Variants in PCDHGA10 observed in about 807,000 individuals in gnomAD.
PCDHGA10 encodes the protein protocadherin gamma subfamily A, 10.
In PCDHGA10, 42 loss-of-function variants were observed where a neutral mutation model predicts 59.5. The observed-to-expected ratio is 0.71, with a 90% CI of 0.55 to 0.91. PCDHGA10 has a LOEUF of 0.91. Among genes scored for constraint, PCDHGA10 ranks in the 40% least tolerant of loss-of-function variants. The pLI is 0.00. For missense variants in PCDHGA10, 1,111 were observed against 1,198.2 expected (o/e 0.93, Z 1.07); for synonymous variants, 511 against 517.2 (o/e 0.99, Z 0.16).
chr5:141,418,749 C>A, intron 1 of PCDHGA10: 1 of 1,613,866 alleles, frequency 6.2e-7, no homozygotes, highest in South Asian at 1.1e-5. Flanking sequence ...CTGGATTACA[C>A]TACAGGAAAC....
At chr5:141,471,506 G>A (rs2099258630) in intron 1 of PCDHGA10, 1 of 152,214 alleles carries the variant, frequency 6.6e-6, no homozygotes, top group South Asian at 2.1e-4. Flanking sequence ...GCAAGAGAGG[G>A]AGTAAAAATA....
chr5:141,420,918 C>T (rs2096532512), intron 1 of PCDHGA10: 1 of 331,946 alleles, frequency 3.0e-6, no homozygotes, highest in South Asian at 6.4e-5. Flanking sequence ...GTGTGATTCA[C>T]AAAGGTGAGC....
intron 1 of PCDHGA10, among the ~76,000 whole-genome samples, chr5:141,454,773 G>A (rs1272535268): frequency 6.9e-6 from 1 of 144,540 alleles, no homozygotes; most frequent in East Asian, 2.0e-4. Flanking sequence ...TTTTTTACAA[G>A]GAAATAATCC....
In PCDHGA10 at chr5:141,477,074, A is replaced by G; in HGVS notation, c.2437-17733A>G. Reference sequence around the variant, plus strand: ...CTTCGAGGACACCAAACTCCATGAGATTTACATCCAGGCCAAAGACAAGGG... The same window carrying G: ...CTTCGAGGACACCAAACTCCATGAGGTTTACATCCAGGCCAAAGACAAGGG... On this transcript the variant is annotated intron_variant, in intron 1 of 3. Coordinates refer to ENST00000398610, the MANE Select transcript of PCDHGA10 (RefSeq NM_018913.3). This position sits in a 1 kb window ranked among gnomAD's most constrained non-coding sequence, Gnocchi z 4.9. 1 of 1,614,250 alleles carries G rather than the reference A, an allele frequency of 6.2e-7. No homozygotes were observed.
chr5:141,474,289 T>C (rs11956411), intron 1 of PCDHGA10, among the ~76,000 whole-genome samples: 31,178 of 152,120 alleles, frequency 0.2, 3,304 homozygotes, highest in Admixed American at 0.31. Context: ...ACCCACTAGA[T>C]CAGTGCTTGT....
rs1460703461 is a variant in PCDHGA10 at position 141,490,596 on chromosome 5, C to G, written c.2437-4211C>G. 2.5e-6 allele frequency: 4 copies of G among 1,614,052 alleles called. No homozygotes were observed. The African/African-American group carries it at 4.0e-5, about 16-fold the overall frequency. On this transcript the variant is annotated intron_variant, in intron 1 of 3. Transcript: ENST00000398610. The surrounding 1 kb of genome is among the most constrained non-coding windows in gnomAD (Gnocchi z 5.4). Reference sequence around the variant, plus strand: ...TTTCAGATGTCAATGACAATGCACCCCGCTTCAACCAGCAGCTTTACACTG... The same window carrying G: ...TTTCAGATGTCAATGACAATGCACCGCGCTTCAACCAGCAGCTTTACACTG...
In PCDHGA10 at chr5:141,487,086, TCCCACCACAGAAG is replaced by T. The variant is rs2099639456; in HGVS notation, c.2437-7719_2437-7707del. 6.2e-7 allele frequency: 1 copy of T among 1,613,822 alleles called. No homozygotes were observed. ...ACGGCTGTTCCTATCCCAGCTGACC[TCCCACCACAGAAG>T]CTGGTCATTGTGGTAAAGGATAGTG... On this transcript the variant is annotated intron_variant, in intron 1 of 3. Coordinates refer to ENST00000398610, the MANE Select transcript of PCDHGA10 (RefSeq NM_018913.3). The surrounding 1 kb of genome is among the most constrained non-coding windows in gnomAD (Gnocchi z 5.0).
At chr5:141,461,011 A>G (rs971172615) in intron 1 of PCDHGA10, among the ~76,000 whole-genome samples, 2 of 151,288 alleles carry the variant, frequency 1.3e-5, no homozygotes, top group Non-Finnish European at 2.9e-5. Context: ...ATATATATAT[A>G]CCACATTTTC....
chr5:141,491,311 A>G lies in PCDHGA10; in HGVS notation c.2437-3496A>G. On this transcript the variant is annotated intron_variant, in intron 1 of 3. Transcript: ENST00000398610. This position sits in a 1 kb window ranked among gnomAD's most constrained non-coding sequence, Gnocchi z 6.9. The stretch of plus-strand genomic sequence containing the variant: ...ACACCCTCCTGAGCGTTCAGACCTT[A>G]CCCTTTACCTCATTGTGGCTCTAGC... 1 of 1,613,932 alleles carries G rather than the reference A, an allele frequency of 6.2e-7. No homozygotes were observed. Among genetic ancestry groups the G allele is most frequent in the Non-Finnish European group, 8.5e-7 (1 of 1,179,940 alleles).
chr5:141,455,158 T>TG (rs1279537888), intron 1 of PCDHGA10, among the ~76,000 whole-genome samples: 46 of 145,032 alleles, frequency 3.2e-4, no homozygotes, highest in African/African-American at 1.0e-3. Flanking sequence ...ATTAGTTTGT[T>TG]GGTTTTTTTT....
rs1310725827 is a variant in PCDHGA10, at chr5:141,500,934, T to C, written c.2496-4459T>C. The stretch of plus-strand genomic sequence containing the variant: ...TCCAGGCTGGGGTGCAGTGGCGCCA[T>C]CTCGGCTCACTGCAAGCTCCACCTC... On this transcript the variant is annotated intron_variant, in intron 2 of 3. Transcript: ENST00000398610. 5.9e-5 allele frequency among the ~76,000 whole-genome samples: 9 copies of C among 151,906 alleles called. 1 individual carries two copies. Among genetic ancestry groups the C allele is most frequent in the Non-Finnish European group, 1.3e-4 (9 of 68,020 alleles).
chr5:141,438,807 G>A (rs956766683), intron 1 of PCDHGA10, among the ~76,000 whole-genome samples: 13 of 149,270 alleles, frequency 8.7e-5, no homozygotes, highest in African/African-American at 1.7e-4. Context: ...GATTACAGGC[G>A]CCTGTCACCA....
Position 141,490,958 on chromosome 5 carries a change from A to T in PCDHGA10, c.2437-3849A>T, listed in dbSNP as rs771797392. 4.6e-5 allele frequency: 74 copies of T among 1,613,610 alleles called. No individual in the cohort carries two copies. The highest frequency in any genetic ancestry group is 1.6e-4 in the Middle Eastern group (1 of 6,084). ...CTGCACCCACGGCCAGACTGGGAAC[A>T]CTCAGCCCCCCAGCGTCTCCCTCGC... On this transcript the variant is annotated intron_variant, in intron 1 of 3. Coordinates refer to ENST00000398610, the MANE Select transcript of PCDHGA10 (RefSeq NM_018913.3). This position sits in a 1 kb window ranked among gnomAD's most constrained non-coding sequence, Gnocchi z 5.4.
intron 1 of PCDHGA10, among the ~76,000 whole-genome samples, chr5:141,474,130 C>G (rs28684928): frequency 6.6e-6 from 1 of 152,160 alleles, no homozygotes; most frequent in Non-Finnish European, 1.5e-5. Context: ...TCTCAGAAAA[C>G]TACAGGCCTT....
At chr5:141,422,724 G>T (rs560544401) in intron 1 of PCDHGA10, 3 of 1,606,016 alleles carry the variant, frequency 1.9e-6, no homozygotes, top group Admixed American at 3.3e-5. Context: ...CTGTCCAGGG[G>T]GTGCCTCTGT....
intron 1 of PCDHGA10, chr5:141,426,320 G>A (rs2096927622): frequency 1.1e-5 from 2 of 175,034 alleles, no homozygotes; most frequent in South Asian, 1.3e-4. Context: ...AGCAGGACCC[G>A]GCAGTGGCAA....
At chr5:141,481,356 T>A (rs1214829594) in intron 1 of PCDHGA10, among the ~76,000 whole-genome samples, 1 of 152,260 alleles carries the variant, frequency 6.6e-6, no homozygotes, top group East Asian at 1.9e-4. Context: ...CATCTACAGC[T>A]GTTCAATAGA....
At chr5:141,427,570 C>G (rs1487817661) in intron 1 of PCDHGA10, 8 of 662,270 alleles carry the variant, frequency 1.2e-5, no homozygotes, top group Non-Finnish European at 2.2e-5. Flanking sequence ...GGCAAGCCTC[C>G]GCTCTCATCC....
At chr5:141,430,751 A>G in intron 1 of PCDHGA10, 1 of 1,496,066 alleles carries the variant, frequency 6.7e-7, no homozygotes, top group Non-Finnish European at 8.9e-7. Context: ...ATTCTGGAGG[A>G]AGATAAGAAT....
Sources: gnomAD v4.1 joint callset for allele counts (sites outside exome capture counted in the v4.1 genomes callset) on GRCh38, gnomAD v4.1.1 for gene constraint, Gnocchi (gnomAD v3.1) non-coding constraint, MANE v1.5 for transcripts, NCBI Gene and HGNC (gene_info 2026-07-23, HGNC 2026-07-21) for gene names.